The following CDC73 variants were observed in gnomAD, a reference collection of about 807,000 sequenced individuals.
CDC73 encodes parafibromin.
Under a neutral mutation model 83.7 loss-of-function variants are expected in CDC73, and 21 were observed. The observed-to-expected ratio is 0.25, with a 90% CI of 0.18 to 0.36. CDC73 has a LOEUF of 0.36. CDC73 is among the 10% of genes least tolerant of loss of function. The probability of loss-of-function intolerance (pLI) is 1.00; values close to 1 mark genes in which losing one functional copy is unlikely to be tolerated. For missense variants in CDC73, 342 were observed against 653.3 expected (o/e 0.52, Z 5.19); for synonymous variants, 224 against 212.9 (o/e 1.05, Z -0.45).
At chr1:193,181,982 C>T (rs756145288) in intron 10 of CDC73, among the ~76,000 whole-genome samples, 9 of 152,020 alleles carry the variant, frequency 5.9e-5, no homozygotes, top group Admixed American at 1.3e-4. Flanking sequence ...TGAATGTATT[C>T]GAGAAAAATG....
chr1:193,125,344 G>A (rs1370342059), intron 2 of CDC73, 127 bp downstream of exon 2: 16 of 693,500 alleles, frequency 2.3e-5, no homozygotes, highest in Non-Finnish European at 3.9e-5. Context: ...TTGCAGCCTC[G>A]AACTCCTAGG....
intron 3 of CDC73, 80 bp from the exon 4 acceptor site, chr1:193,135,311 C>A (rs1259839264): frequency 1.7e-6 from 2 of 1,189,952 alleles, no homozygotes; most frequent in Non-Finnish European, 2.5e-6. Flanking sequence ...ATATAAAAAA[C>A]CTAAAGCATT....
intron 7 of CDC73, among the ~76,000 whole-genome samples, chr1:193,143,572 A>G (rs1311975895): frequency 6.6e-6 from 1 of 152,228 alleles, no homozygotes; most frequent in East Asian, 1.9e-4. Context: ...AAATAAGTTA[A>G]TAAAAGAATT....
chr1:193,178,997 C>G (rs1676661602), intron 10 of CDC73: 1 of 152,154 alleles, frequency 6.6e-6, no homozygotes, highest in South Asian at 2.1e-4. Flanking sequence ...TTTTAAAATT[C>G]ATGATGGAGT....
At chr1:193,158,110 A>G in intron 10 of CDC73, among the ~76,000 whole-genome samples, 1 of 150,922 alleles carries the variant, frequency 6.6e-6, no homozygotes, top group Middle Eastern at 3.4e-3. Context: ...ATATGTATTT[A>G]GTATTGTTAA....
intron 15 of CDC73, among the ~76,000 whole-genome samples, chr1:193,242,568 C>G (rs1677881071): frequency 6.6e-6 from 1 of 152,188 alleles, no homozygotes; most frequent in Admixed American, 6.5e-5. Context: ...CTCCTGGTAA[C>G]TTACAGAAGG....
chr1:193,142,860 G>A (rs150705241), intron 7 of CDC73, among the ~76,000 whole-genome samples: 1,859 of 152,192 alleles, frequency 0.012, 19 homozygotes, highest in South Asian at 0.034. Flanking sequence ...GTATTTTCAT[G>A]GATCTCCAAA....
At chr1:193,237,614 G>A (rs1677785509) in intron 15 of CDC73, among the ~76,000 whole-genome samples, 1 of 152,080 alleles carries the variant, frequency 6.6e-6, no homozygotes, top group Non-Finnish European at 1.5e-5. Context: ...CGGGTTGGAG[G>A]TGGTGTGGTG....
In CDC73 at chr1:193,251,578, T is replaced by G. The variant is rs930827141; in HGVS notation, c.*866T>G. 7 of 232,130 alleles carry G rather than the reference T, an allele frequency of 3.0e-5. No homozygotes were observed. The highest frequency in any genetic ancestry group is 6.0e-5 in the Non-Finnish European group (7 of 117,106). 14.4% of individuals were successfully genotyped at this position (232,130 alleles called of 1,614,324 possible). ...TGGTATAGGATTTTGAATCTTCTAT[T>G]TTAGGCTTGTCAGTCTTGGAGTTCT... On this transcript the variant is annotated 3_prime_UTR_variant, in exon 17 of 17. Coordinates refer to ENST00000367435, the MANE Select transcript of CDC73 (RefSeq NM_024529.5).
At chr1:193,167,637 A>G (rs1676453919) in intron 10 of CDC73, among the ~76,000 whole-genome samples, 1 of 152,046 alleles carries the variant, frequency 6.6e-6, no homozygotes, top group Admixed American at 6.5e-5. Flanking sequence ...AACCTCTCAA[A>G]TTTGCTTCAC....
At chr1:193,240,046 C>T (rs1387817922) in intron 15 of CDC73, among the ~76,000 whole-genome samples, 1 of 152,124 alleles carries the variant, frequency 6.6e-6, no homozygotes, top group Non-Finnish European at 1.5e-5. Flanking sequence ...AGTATCTTAT[C>T]ATTTTACTGT....
intron 10 of CDC73, among the ~76,000 whole-genome samples, chr1:193,200,277 T>C (rs1677070871): frequency 6.6e-6 from 1 of 152,138 alleles, no homozygotes; most frequent in African/African-American, 2.4e-5. Flanking sequence ...AAATATAATG[T>C]ATATAGTGTG....
chr1:193,202,248 G>GCCTGTTA (rs879878327), intron 10 of CDC73, among the ~76,000 whole-genome samples: 2 of 151,908 alleles, frequency 1.3e-5, no homozygotes, highest in Admixed American at 1.3e-4. Flanking sequence ...ACTAGCTGCA[G>GCCTGTTA]TGCCCAGAGC....
At chr1:193,215,369 A>G (rs1486892796) in intron 13 of CDC73, among the ~76,000 whole-genome samples, 1 of 152,212 alleles carries the variant, frequency 6.6e-6, no homozygotes, top group Admixed American at 6.5e-5. Flanking sequence ...ACTGATATAT[A>G]AAAGAAACTT....
chr1:193,233,148 A>G lies in CDC73; in HGVS notation c.1310A>G (p.Gln437Arg). Reference sequence around the variant, plus strand: ...GACCAGCCCCTTAAACTTATGCCTCAAGACTGGTAAGATAGTCTCTATATA... The same window carrying G: ...GACCAGCCCCTTAAACTTATGCCTCGAGACTGGTAAGATAGTCTCTATATA... ...VVDQPLKLMP[Q>R]DWDRVVAVFV... The change falls in exon 14 of 17, where the codon CAA becomes CGA. Residue 437 changes from glutamine to arginine, a missense_variant. This residue lies in a region of CDC73 where 239 missense variants were observed against 420.6 expected (regional missense o/e 0.57). Coordinates refer to ENST00000367435, the MANE Select transcript of CDC73 (RefSeq NM_024529.5). 1 of 1,610,054 alleles carries G rather than the reference A, an allele frequency of 6.2e-7. No homozygotes were observed. Among genetic ancestry groups the G allele is most frequent in the Non-Finnish European group, 8.5e-7 (1 of 1,176,562 alleles).
chr1:193,238,596 G>T (rs1677804152), intron 15 of CDC73, among the ~76,000 whole-genome samples: 2 of 152,148 alleles, frequency 1.3e-5, no homozygotes, highest in South Asian at 4.1e-4. Flanking sequence ...ATATCATGCA[G>T]TTGAAAACTC....
At chr1:193,232,771 C>T (rs188336947) in intron 13 of CDC73, among the ~76,000 whole-genome samples, 281 of 151,984 alleles carry the variant, frequency 1.8e-3, no homozygotes, top group African/African-American at 6.1e-3. Context: ...GGCGTGGTGG[C>T]GGTCACCTGT....
rs1008807024 is a variant in CDC73, at chr1:193,152,228, A to G, written c.908-152A>G. 2.7e-5 allele frequency: 16 copies of G among 596,588 alleles called. 1 individual carries two copies. In the South Asian group the frequency reaches 3.1e-4, roughly 11 times the overall value. 37.0% of individuals were successfully genotyped at this position (596,588 alleles called of 1,614,324 possible). ...AGTCCTTTTTAAAGTTTTTATCTTC[A>G]CAAGTACGTAATTTAATTTTACATA... On this transcript the variant is annotated intron_variant, in intron 9 of 16. Transcript: ENST00000367435.
chr1:193,239,775 T>G (rs992379441), intron 15 of CDC73, among the ~76,000 whole-genome samples: 1 of 152,184 alleles, frequency 6.6e-6, no homozygotes, highest in Non-Finnish European at 1.5e-5. Flanking sequence ...TCTAGCTGTT[T>G]AGAAATATAT....
Sources: allele counts gnomAD v4.1 joint callset (sites outside exome capture counted in the v4.1 genomes callset), GRCh38; gene constraint gnomAD v4.1.1; regional missense constraint gnomAD v4.1.1; transcripts MANE v1.5; gene names NCBI Gene and HGNC (gene_info 2026-07-23, HGNC 2026-07-21).